The following GRIA2 variants were observed in gnomAD, a reference collection of about 807,000 sequenced individuals.
GRIA2 encodes the protein glutamate ionotropic receptor AMPA type subunit 2.
A neutral mutation model predicts 97.3 loss-of-function variants in GRIA2; 14 were observed. That is an observed-to-expected ratio of 0.14 (90% CI 0.10 to 0.23). The LOEUF (loss-of-function observed/expected upper bound fraction) is 0.23. Ranked by LOEUF, GRIA2 falls within the 10% of genes least tolerant of loss-of-function variation. GRIA2 has a pLI of 1.00. For synonymous variants in GRIA2, 412 were observed against 387.8 expected (o/e 1.06, Z -0.73); for missense variants, 558 against 1,069.8 (o/e 0.52, Z 6.67).
At chr4:157,231,652 G>A (rs1478604625) in intron 2 of GRIA2, among the ~76,000 whole-genome samples, 2 of 152,168 alleles carry the variant, frequency 1.3e-5, no homozygotes, top group Non-Finnish European at 2.9e-5. Flanking sequence ...ATTTTATAGG[G>A]AGCATGGAAT....
intron 2 of GRIA2, among the ~76,000 whole-genome samples, chr4:157,274,839 T>C (rs1165259177): frequency 6.6e-6 from 1 of 152,000 alleles, no homozygotes; most frequent in Non-Finnish European, 1.5e-5. Flanking sequence ...CGTATGCATG[T>C]GTCTTTATAG....
intron 2 of GRIA2, among the ~76,000 whole-genome samples, chr4:157,262,020 G>A (rs1731558371): frequency 6.6e-6 from 1 of 151,904 alleles, no homozygotes. Flanking sequence ...CCTCTTGCTG[G>A]GAAATATAAC....
intron 6 of GRIA2, among the ~76,000 whole-genome samples, chr4:157,329,984 A>G (rs1734976713): frequency 6.6e-6 from 1 of 152,074 alleles, no homozygotes; most frequent in East Asian, 1.9e-4. Context: ...AAAGTTTATA[A>G]CCTGGAATCT....
chr4:157,343,534 G>A (rs1735637940), intron 12 of GRIA2, among the ~76,000 whole-genome samples: 1 of 151,972 alleles, frequency 6.6e-6, no homozygotes, highest in Admixed American at 6.6e-5. Context: ...CTAGAGACAC[G>A]GTTGAAACCC....
intron 2 of GRIA2, among the ~76,000 whole-genome samples, chr4:157,289,342 G>GC (rs1732989294): frequency 6.6e-6 from 1 of 151,740 alleles, no homozygotes; most frequent in Admixed American, 6.6e-5. Flanking sequence ...GTGCATCAGT[G>GC]CCCCCAAATG....
chr4:157,225,220 C>T (rs1231752502), intron 2 of GRIA2, among the ~76,000 whole-genome samples: 1 of 152,000 alleles, frequency 6.6e-6, no homozygotes, highest in East Asian at 1.9e-4. Flanking sequence ...CACATCCTTC[C>T]CTTTCACAAT....
At chr4:157,323,200 T>A (rs868609164) in intron 6 of GRIA2, among the ~76,000 whole-genome samples, 2 of 151,348 alleles carry the variant, frequency 1.3e-5, no homozygotes, top group South Asian at 2.1e-4. Flanking sequence ...CCGGGCGTGG[T>A]GGCAGGCTCC....
chr4:157,342,311 A>C, intron 12 of GRIA2: 2 of 984,900 alleles, frequency 2.0e-6, no homozygotes, highest in Non-Finnish European at 2.4e-6. Context: ...TTTGAAGACT[A>C]TCTCATGCTA....
intron 12 of GRIA2, among the ~76,000 whole-genome samples, chr4:157,356,583 A>T (rs767957896): frequency 6.6e-6 from 1 of 152,056 alleles, no homozygotes; most frequent in African/African-American, 2.4e-5. Flanking sequence ...AATTGAGGCA[A>T]TTCGATTTGT....
At chr4:157,312,234 C>T (rs985852226) in intron 3 of GRIA2, among the ~76,000 whole-genome samples, 1 of 152,054 alleles carries the variant, frequency 6.6e-6, no homozygotes, top group African/African-American at 2.4e-5. Context: ...ATAGATTCCT[C>T]ATTCAAAATG....
At chr4:157,238,503 T>C (rs1730351473) in intron 2 of GRIA2, among the ~76,000 whole-genome samples, 1 of 152,158 alleles carries the variant, frequency 6.6e-6, no homozygotes, top group Non-Finnish European at 1.5e-5. Flanking sequence ...GTATCTTTGA[T>C]AGAAGAAAAT....
chr4:157,265,521 C>T (rs988415535), intron 2 of GRIA2, among the ~76,000 whole-genome samples: 1 of 152,066 alleles, frequency 6.6e-6, no homozygotes, highest in Non-Finnish European at 1.5e-5. Context: ...TGTTCTAAGA[C>T]AGAAAACACA....
chr4:157,220,937 C>A lies in GRIA2; in HGVS notation c.-106C>A. On this transcript the variant is annotated 5_prime_UTR_variant, in exon 1 of 16. Coordinates refer to ENST00000264426, the MANE Select transcript of GRIA2 (RefSeq NM_001083619.3). ...TAGCAGCTTGGTGCTAAATTGCTGT[C>A]TCAAAATGCAGAGGATCTAATTTGC... The A allele has an allele frequency of 1.4e-6, 1 of 715,422 alleles. No homozygotes were observed. The highest frequency in any genetic ancestry group is 2.5e-6 in the Non-Finnish European group (1 of 392,436). The allele number at this position is 715,422 out of a possible 1,614,324, so 44.3% of individuals were successfully genotyped here. A position where few individuals can be genotyped will look rare whatever the true frequency, so the allele number is the denominator to read the frequency against.
At chr4:157,256,233 A>T (rs1383822902) in intron 2 of GRIA2, among the ~76,000 whole-genome samples, 7 of 124,592 alleles carry the variant, frequency 5.6e-5, no homozygotes, top group Middle Eastern at 5.0e-3. Context: ...TATAATATAT[A>T]ATATATATAT....
intron 2 of GRIA2, among the ~76,000 whole-genome samples, chr4:157,293,879 G>A (rs1221780184): frequency 3.3e-5 from 5 of 152,106 alleles, no homozygotes; most frequent in African/African-American, 1.2e-4. Context: ...GGGTGTGTGA[G>A]TCCATTATGC....
intron 8 of GRIA2, among the ~76,000 whole-genome samples, chr4:157,333,793 A>G (rs1240498637): frequency 6.6e-6 from 1 of 152,104 alleles, no homozygotes; most frequent in East Asian, 1.9e-4. Flanking sequence ...TAGAAAATAC[A>G]AAAAGTGAAT....
chr4:157,220,708 A>G, upstream of GRIA2: 1 of 336,266 alleles, frequency 3.0e-6, no homozygotes, highest in Non-Finnish European at 5.5e-6. Flanking sequence ...AGAGAGGGAG[A>G]AGAGAGCGCG....
chr4:157,252,129 A>G (rs897733509), intron 2 of GRIA2, among the ~76,000 whole-genome samples: 12 of 152,178 alleles, frequency 7.9e-5, no homozygotes, highest in African/African-American at 2.9e-4. Flanking sequence ...ATAAAACAGT[A>G]AAAGTTGTAG....
intron 2 of GRIA2, among the ~76,000 whole-genome samples, chr4:157,244,625 T>G (rs1228129148): frequency 6.6e-6 from 1 of 152,026 alleles, no homozygotes; most frequent in Non-Finnish European, 1.5e-5. Flanking sequence ...TAAGGTTTGT[T>G]GTGTTGTGGA....
Sources: gnomAD v4.1 joint callset for allele counts (sites outside exome capture counted in the v4.1 genomes callset) on GRCh38, gnomAD v4.1.1 for gene constraint, MANE v1.5 for transcripts, NCBI Gene and HGNC (gene_info 2026-07-23, HGNC 2026-07-21) for gene names.